GALNT13: variants seen among roughly 807,000 people sequenced by gnomAD.
GALNT13 encodes UDP-GalNAc:polypeptide N-acetylgalactosaminyltransferase 13.
In GALNT13, 28 loss-of-function variants were observed where a neutral mutation model predicts 64.2. The observed-to-expected ratio is 0.44, with a 90% CI of 0.32 to 0.60. The LOEUF (loss-of-function observed/expected upper bound fraction) is 0.60, where lower values mean the gene tolerates loss of function less well. Ranked by LOEUF, GALNT13 falls within the 20% of genes least tolerant of loss-of-function variation. The probability of loss-of-function intolerance (pLI) is 0.05; values close to 1 mark genes in which losing one functional copy is unlikely to be tolerated. For synonymous variants in GALNT13, 214 were observed against 224.6 expected (o/e 0.95, Z 0.42); for missense variants, 577 against 669.8 (o/e 0.86, Z 1.53).
intron 11 of GALNT13, among the ~76,000 whole-genome samples, chr2:154,426,235 C>T (rs569245834): frequency 1.6e-4 from 25 of 152,306 alleles, no homozygotes; most frequent in Middle Eastern, 3.4e-3. Context: ...GCCAGGGTTG[C>T]GCTCTGCCAG....
intron 9 of GALNT13, among the ~76,000 whole-genome samples, chr2:154,318,117 T>C (rs1694421189): frequency 6.6e-6 from 1 of 152,098 alleles, no homozygotes; most frequent in Non-Finnish European, 1.5e-5. Flanking sequence ...ATCACTGAGT[T>C]TTGAAATTTT....
chr2:154,029,112 G>A (rs543084243), intron 3 of GALNT13, among the ~76,000 whole-genome samples: 17 of 150,574 alleles, frequency 1.1e-4, no homozygotes, highest in African/African-American at 3.9e-4. Flanking sequence ...TTGCACTGCA[G>A]TCTTTTCTCC....
the GALNT13 span, among the ~76,000 whole-genome samples, chr2:153,568,611 T>C: frequency 6.6e-6 from 1 of 152,180 alleles, no homozygotes; most frequent in African/African-American, 2.4e-5. Context: ...ATTTTATAGA[T>C]GACATTTTTT....
intron 8 of GALNT13, among the ~76,000 whole-genome samples, chr2:154,291,793 G>A (rs1692655273): frequency 6.6e-6 from 1 of 152,282 alleles, no homozygotes; most frequent in South Asian, 2.1e-4. Context: ...AGCAAGAGCG[G>A]ACGCTGAGGC....
rs1274407061 is a variant in GALNT13 at position 153,982,626 on chromosome 2, G to A, written c.142+37987G>A. Among the ~76,000 whole-genome samples, 4 of 152,078 alleles carry A rather than the reference G, an allele frequency of 2.6e-5. No homozygotes were observed. In the East Asian group the frequency reaches 7.7e-4, roughly 29 times the overall value. The stretch of plus-strand genomic sequence containing the variant: ...TGAGAAGCTTAACTATCTTTAACAG[G>A]TAATATAGGTTCTATTCTAAGATCC... On this transcript the variant is annotated intron_variant, in intron 3 of 12. Transcript: ENST00000392825.
At chr2:153,413,259 T>C in the GALNT13 span, among the ~76,000 whole-genome samples, 1 of 152,150 alleles carries the variant, frequency 6.6e-6, no homozygotes, top group Non-Finnish European at 1.5e-5. Flanking sequence ...GGGCACAGGA[T>C]TGTATCGATA....
At chr2:154,012,594 A>G (rs1358375045) in intron 3 of GALNT13, among the ~76,000 whole-genome samples, 2 of 152,080 alleles carry the variant, frequency 1.3e-5, no homozygotes, top group African/African-American at 2.4e-5. Context: ...GTATTTTTTG[A>G]ACATGAATAT....
chr2:154,367,776 G>T (rs539927412), intron 9 of GALNT13, among the ~76,000 whole-genome samples: 1 of 152,158 alleles, frequency 6.6e-6, no homozygotes, highest in East Asian at 1.9e-4. Context: ...AGTAGGAAGT[G>T]TGGATATGAT....
chr2:154,117,947 G>C (rs1344158786), intron 3 of GALNT13, among the ~76,000 whole-genome samples: 2 of 151,988 alleles, frequency 1.3e-5, no homozygotes, highest in Admixed American at 1.3e-4. Context: ...TTTATTTTGG[G>C]GAATGTTCCC....
chr2:153,525,780 T>A, the GALNT13 span, among the ~76,000 whole-genome samples: 2 of 152,118 alleles, frequency 1.3e-5, no homozygotes, highest in Non-Finnish European at 2.9e-5. Context: ...AGTTCTTAGA[T>A]GGCATTTCTG....
the GALNT13 span, among the ~76,000 whole-genome samples, chr2:153,557,034 A>AC: frequency 1.5e-4 from 23 of 150,752 alleles, no homozygotes; most frequent in East Asian, 7.8e-4. Flanking sequence ...CACAAATTTG[A>AC]CCCCCCCTTC....
chr2:153,694,468 T>A, the GALNT13 span, among the ~76,000 whole-genome samples: 1 of 152,176 alleles, frequency 6.6e-6, no homozygotes. Flanking sequence ...ATAACATAGA[T>A]AAATCTCACA....
chr2:153,482,850 G>A, the GALNT13 span, among the ~76,000 whole-genome samples: 2 of 151,618 alleles, frequency 1.3e-5, no homozygotes, highest in Non-Finnish European at 2.9e-5. Context: ...AATTTTGAAA[G>A]GATTGATCTA....
At chr2:153,489,575 G>C in the GALNT13 span, among the ~76,000 whole-genome samples, 1 of 152,054 alleles carries the variant, frequency 6.6e-6, no homozygotes, top group Non-Finnish European at 1.5e-5. Context: ...GTATATCCAA[G>C]GTTATATTTC....
At chr2:153,225,410 T>C in the GALNT13 span, among the ~76,000 whole-genome samples, 1 of 152,226 alleles carries the variant, frequency 6.6e-6, no homozygotes, top group East Asian at 1.9e-4. Context: ...GACTGGTTAG[T>C]TAGCCTTAAT....
At chr2:153,549,796 A>G in the GALNT13 span, among the ~76,000 whole-genome samples, 1 of 98,326 alleles carries the variant, frequency 1.0e-5, no homozygotes, top group Non-Finnish European at 1.8e-5. Context: ...ACTAGATGCC[A>G]TTTCTTAGTG....
chr2:153,707,657 A>C, the GALNT13 span, among the ~76,000 whole-genome samples: 1 of 152,156 alleles, frequency 6.6e-6, no homozygotes. Flanking sequence ...AGTTCTCTTC[A>C]TGCTCCTCGT....
chr2:153,236,733 G>C, the GALNT13 span, among the ~76,000 whole-genome samples: 3 of 152,090 alleles, frequency 2.0e-5, no homozygotes, highest in South Asian at 6.2e-4. Flanking sequence ...CTATGATGGA[G>C]ATGCACAAGG....
chr2:154,374,988 T>G (rs1347970163), intron 9 of GALNT13, among the ~76,000 whole-genome samples: 1 of 152,096 alleles, frequency 6.6e-6, no homozygotes, highest in Non-Finnish European at 1.5e-5. Flanking sequence ...TTCACAGAAA[T>G]AATTTTGTTG....
Sources: gnomAD v4.1 joint callset for allele counts (sites outside exome capture counted in the v4.1 genomes callset) on GRCh38, gnomAD v4.1.1 for gene constraint, MANE v1.5 for transcripts, NCBI Gene and HGNC (gene_info 2026-07-23, HGNC 2026-07-21) for gene names.